PTPN13: variants seen among roughly 807,000 people sequenced by gnomAD.
The protein encoded by PTPN13 is protein tyrosine phosphatase non-receptor type 13.
In PTPN13, 191 loss-of-function variants were observed where a neutral mutation model predicts 284.0. That is an observed-to-expected ratio of 0.67 (90% CI 0.60 to 0.76). PTPN13 has a LOEUF of 0.76. Ranked by LOEUF, PTPN13 falls within the 30% of genes least tolerant of loss-of-function variation. PTPN13 has a pLI of 0.00. For missense variants in PTPN13, 2,797 were observed against 2,939.9 expected, an observed-to-expected ratio of 0.95 and a Z score of 1.12; for synonymous variants, 986 against 1,022.3, an observed-to-expected ratio of 0.96 and a Z score of 0.68.
At chr4:86,663,674 C>T (rs771344981) in intron 2 of PTPN13, among the ~76,000 whole-genome samples, 3 of 152,108 alleles carry the variant, frequency 2.0e-5, no homozygotes, top group Admixed American at 1.3e-4. Flanking sequence ...GTGGCAGTCT[C>T]AAATTGGTGC....
intron 1 of PTPN13, among the ~76,000 whole-genome samples, chr4:86,617,088 T>A (rs944792107): frequency 6.6e-6 from 1 of 152,108 alleles, no homozygotes; most frequent in African/African-American, 2.4e-5. Flanking sequence ...TAGACCTATA[T>A]TGAAGAGTCA....
intron 40 of PTPN13, 142 bp from the exon 41 acceptor site, chr4:86,796,732 A>T: frequency 1.7e-6 from 1 of 598,012 alleles, no homozygotes; most frequent in Non-Finnish European, 3.0e-6. Context: ...TTTGGAGTGT[A>T]TTAATTGAAT....
At chr4:86,747,096 A>G (rs10020590) in intron 17 of PTPN13, among the ~76,000 whole-genome samples, 12,455 of 152,320 alleles carry the variant, frequency 0.082, 648 homozygotes, top group Non-Finnish European at 0.11. Context: ...AGATTACTTC[A>G]TTATAGTTGT....
Position 86,701,653 on chromosome 4 carries a change from A to G in PTPN13, c.1047A>G (p.Ile349Met). 3.1e-6 allele frequency: 5 copies of G among 1,613,982 alleles called. No homozygotes were observed. Among genetic ancestry groups the G allele is most frequent in the Non-Finnish European group, 4.2e-6 (5 of 1,179,860 alleles). Residue 349 changes from isoleucine to methionine, a missense_variant, in exon 7 of 48, where the codon ATA becomes ATG. By Grantham distance (10) the Ile-to-Met change is conservative. Coordinates refer to ENST00000411767, the MANE Select transcript of PTPN13 (RefSeq NM_080683.3). ...AGGCAAGATACTCAGATGGAAGTATAGCCTTGGATATCTTTGGCCCTCAGA... is the reference window on the plus strand; with the variant it reads ...AGGCAAGATACTCAGATGGAAGTATGGCCTTGGATATCTTTGGCCCTCAGA... ...KKEARYSDGSIALDIFGPQKM... is the reference protein window; with the variant it reads ...KKEARYSDGSMALDIFGPQKM...
intron 9 of PTPN13, among the ~76,000 whole-genome samples, chr4:86,721,132 C>T (rs1006680999): frequency 6.6e-6 from 1 of 150,920 alleles, no homozygotes; most frequent in African/African-American, 2.4e-5. Flanking sequence ...GGTTAGATAT[C>T]ATATTTGGAG....
At chr4:86,599,778 C>G (rs1764135497) in intron 1 of PTPN13, among the ~76,000 whole-genome samples, 1 of 151,758 alleles carries the variant, frequency 6.6e-6, no homozygotes, top group South Asian at 2.1e-4. Flanking sequence ...TTCCTCTTTC[C>G]TCAGTCTTTT....
chr4:86,720,956 T>G (rs1304155592), intron 9 of PTPN13, among the ~76,000 whole-genome samples: 1 of 152,058 alleles, frequency 6.6e-6, no homozygotes, highest in Non-Finnish European at 1.5e-5. Context: ...AAAGAGAATT[T>G]CTAAGCCTTT....
At chr4:86,640,249 A>G (rs914471427) in intron 2 of PTPN13, among the ~76,000 whole-genome samples, 2 of 152,242 alleles carry the variant, frequency 1.3e-5, no homozygotes, top group Admixed American at 6.5e-5. Flanking sequence ...TCACTTAACC[A>G]AAAATCTGGG....
chr4:86,780,371 C>T, intron 35 of PTPN13, 31 bp from the exon 36 acceptor site: 1 of 1,579,020 alleles, frequency 6.3e-7, no homozygotes, highest in Non-Finnish European at 8.6e-7. Flanking sequence ...ATGTCCAAGA[C>T]AATTTACAGT....
Position 86,774,367 on chromosome 4 carries a change from C to T in PTPN13, c.5350-6C>T. The T allele has an allele frequency of 6.3e-7, 1 of 1,597,612 alleles. No homozygotes were observed. ...ACCTAAAAGTATTACTGCTTTTTTC[C>T]CTTAGGAAGTAGAACTCCTCATTAC... is the stretch of plus-strand genomic sequence containing the variant. On this transcript the variant is annotated splice_region_variant and splice_polypyrimidine_tract_variant and intron_variant, in intron 32 of 47. Transcript: ENST00000411767.
In PTPN13 at chr4:86,799,955, A is replaced by G. The variant is rs1565611628; in HGVS notation, c.6505+751A>G. On this transcript the variant is annotated intron_variant, in intron 42 of 47. Coordinates refer to ENST00000411767, the MANE Select transcript of PTPN13 (RefSeq NM_080683.3). ...TGAATTCAAGCAATTATTCTGCCTC[A>G]GCCTCCCAAGTAGCTGGGATTACAA... 2.7e-5 allele frequency among the ~76,000 whole-genome samples: 4 copies of G among 148,312 alleles called. No individual in the cohort carries two copies. The Admixed American group carries it at 2.8e-4, about 10-fold the overall frequency.
chr4:86,767,308 T>A (rs1053303143), intron 27 of PTPN13, among the ~76,000 whole-genome samples: 1 of 151,034 alleles, frequency 6.6e-6, no homozygotes, highest in Non-Finnish European at 1.5e-5. Flanking sequence ...TGCAATGGCA[T>A]GACCTCGGCT....
intron 42 of PTPN13, among the ~76,000 whole-genome samples, chr4:86,800,321 T>C (rs1220093731): frequency 6.6e-6 from 1 of 152,062 alleles, no homozygotes; most frequent in East Asian, 1.9e-4. Context: ...AACACGGTTT[T>C]GTCATTCAAA....
At chr4:86,659,683 G>A (rs1325931623) in intron 2 of PTPN13, among the ~76,000 whole-genome samples, 1 of 151,988 alleles carries the variant, frequency 6.6e-6, no homozygotes, top group Non-Finnish European at 1.5e-5. Context: ...GGGCATGGTG[G>A]TGCACGCCTG....
intron 41 of PTPN13, 28 bp from the exon 42 acceptor site, chr4:86,799,073 A>G (rs1743680185): frequency 1.5e-6 from 2 of 1,356,292 alleles, no homozygotes; most frequent in African/African-American, 1.5e-5. Context: ...AATGAAGAAA[A>G]TGTTTCAAAT....
chr4:86,656,697 G>C lies in PTPN13; in HGVS notation c.116-15668G>C, dbSNP rs530825919. Among the ~76,000 whole-genome samples, 4 of 152,306 alleles carry C rather than the reference G, an allele frequency of 2.6e-5. No individual in the cohort carries two copies. In the East Asian group the frequency reaches 7.7e-4, roughly 29 times the overall value. On this transcript the variant is annotated intron_variant, in intron 2 of 47. Coordinates refer to ENST00000411767, the MANE Select transcript of PTPN13 (RefSeq NM_080683.3). ...AGGGACCCACTTGAGGAGGCAGTCT[G>C]TCTGTTCTCAGATCTGAAACTCCAT...
At chr4:86,630,814 A>C (rs1722388001) in intron 1 of PTPN13, among the ~76,000 whole-genome samples, 1 of 152,100 alleles carries the variant, frequency 6.6e-6, no homozygotes, top group Non-Finnish European at 1.5e-5. Context: ...GGATTTAGTT[A>C]ATCTGTTTAC....
intron 2 of PTPN13, among the ~76,000 whole-genome samples, chr4:86,646,928 CAAAAT>C (rs1724504992): frequency 1.3e-5 from 2 of 152,080 alleles, no homozygotes; most frequent in South Asian, 2.1e-4. Flanking sequence ...CGATTAATCT[CAAAAT>C]AATTATGTTG....
In PTPN13 at chr4:86,796,939, T is replaced by C. The variant is rs1225865499; in HGVS notation, c.6401+10T>C. 1 of 1,448,230 alleles carries C rather than the reference T, an allele frequency of 6.9e-7. No homozygotes were observed. Among genetic ancestry groups the C allele is most frequent in the South Asian group, 1.2e-5 (1 of 81,038 alleles). The allele number at this position is 1,448,230 out of a possible 1,614,324, so 89.7% of individuals were successfully genotyped here. ...AAGTAAAAAGTGAAAGGTGAGAAAATAATTTTCAAAGTATCCATAATGCTT... is the reference window on the plus strand; with the variant it reads ...AAGTAAAAAGTGAAAGGTGAGAAAACAATTTTCAAAGTATCCATAATGCTT... On this transcript the variant is annotated intron_variant, in intron 41 of 47. Transcript: ENST00000411767.
Sources: gnomAD v4.1 joint callset for allele counts (sites outside exome capture counted in the v4.1 genomes callset) on GRCh38, gnomAD v4.1.1 for gene constraint, MANE v1.5 for transcripts, NCBI Gene and HGNC (gene_info 2026-07-23, HGNC 2026-07-21) for gene names.